PLCG2: variants seen among roughly 807,000 people sequenced by gnomAD.
The protein encoded by PLCG2 is 1-phosphatidylinositol 4,5-bisphosphate phosphodiesterase gamma-2.
In PLCG2, 69 loss-of-function variants were observed where a neutral mutation model predicts 175.6. The ratio of observed to expected loss-of-function variants is 0.39; its 90% confidence interval spans 0.32 to 0.48. The LOEUF (loss-of-function observed/expected upper bound fraction) is 0.48. Among genes scored for constraint, PLCG2 ranks in the 20% least tolerant of loss-of-function variants. PLCG2 has a pLI of 0.91. For synonymous variants in PLCG2, 827 were observed against 624.0 expected, an observed-to-expected ratio of 1.33 and a Z score of -4.85; for missense variants, 1,798 against 1,650.9, an observed-to-expected ratio of 1.09 and a Z score of -1.54.
chr16:81,780,560 G>A (rs1567459771), intron 1 of PLCG2, among the ~76,000 whole-genome samples: 1 of 152,174 alleles, frequency 6.6e-6, no homozygotes. Flanking sequence ...AGGGACAATC[G>A]TCATTGTGAG....
chr16:81,810,964 C>G (rs1247194562), intron 2 of PLCG2, among the ~76,000 whole-genome samples: 3 of 152,148 alleles, frequency 2.0e-5, no homozygotes, highest in Non-Finnish European at 1.5e-5. Context: ...GAGAAGCAGC[C>G]CAGGGAACAG....
At chr16:81,743,574 C>G (rs1909642316) in intron 1 of PLCG2, among the ~76,000 whole-genome samples, 1 of 152,194 alleles carries the variant, frequency 6.6e-6, no homozygotes, top group African/African-American at 2.4e-5. Flanking sequence ...GAATGGGCAC[C>G]TCATGCACCC....
chr16:81,768,484 C>G (rs112266520), intron 2 of PLCG2, among the ~76,000 whole-genome samples: 1 of 150,746 alleles, frequency 6.6e-6, no homozygotes, highest in African/African-American at 2.4e-5. Context: ...TGTTTTCCAA[C>G]GAGGCTGCAC....
In PLCG2 at chr16:81,907,739, GACATTGAAC is replaced by G. The variant is rs751863823; in HGVS notation, c.1524_1532del (p.Asp508_Gln511delinsGlu). ...CGATGCCAAGCTGTCCTTCAGTGAT[GACATTGAAC>G]AGACTATGGAGGAGGAAGTGCCCCA... On this transcript the variant is annotated inframe_deletion, in exon 16 of 33. Transcript: ENST00000564138. 1.2e-6 allele frequency: 2 copies of G among 1,613,972 alleles called. No individual in the cohort carries two copies. The highest frequency in any genetic ancestry group is 1.7e-6 in the Non-Finnish European group (2 of 1,179,886).
intron 2 of PLCG2, among the ~76,000 whole-genome samples, chr16:81,811,111 G>A (rs1362552435): frequency 1.3e-5 from 2 of 152,154 alleles, no homozygotes; most frequent in East Asian, 3.8e-4. Flanking sequence ...AGTGTGCTGG[G>A]GAAGGTCATA....
chr16:81,894,604 G>T lies in PLCG2; in HGVS notation c.1072+810G>T, dbSNP rs189137898. Reference sequence around the variant, plus strand: ...AAGGCAACAACCAGCTTGTCGTGGTGTCTCATGCCTGTAATCCCAGCACTG... The same window carrying T: ...AAGGCAACAACCAGCTTGTCGTGGTTTCTCATGCCTGTAATCCCAGCACTG... On this transcript the variant is annotated intron_variant, in intron 12 of 32. Coordinates refer to ENST00000564138, the MANE Select transcript of PLCG2 (RefSeq NM_002661.5). Among the ~76,000 whole-genome samples, 19 of 152,332 alleles carry T rather than the reference G, an allele frequency of 1.2e-4. No individual in the cohort carries two copies. In the East Asian group the frequency reaches 3.5e-3, roughly 28 times the overall value.
At chr16:81,955,225 C>T (rs572761894) in intron 31 of PLCG2, among the ~76,000 whole-genome samples, 2 of 152,266 alleles carry the variant, frequency 1.3e-5, no homozygotes, top group South Asian at 2.1e-4. Context: ...ACCCTGGGGA[C>T]TGTTTTGTTA....
At position 81,919,505 on chromosome 16, in the gene PLCG2, T is replaced by C. The variant is rs1909975248; in HGVS notation, c.2076T>C (p.His692=). The C allele has an allele frequency of 4.3e-6, 7 of 1,614,042 alleles. No individual in the cohort carries two copies. Among genetic ancestry groups the C allele is most frequent in the Middle Eastern group, 1.7e-4 (1 of 6,004 alleles). Reference sequence around the variant, plus strand: ...CCAGGGCTAGGGGCAAGGTAAAGCATTGTCGCATCAACCGGGACGGCCGGC... The same window carrying C: ...CCAGGGCTAGGGGCAAGGTAAAGCACTGTCGCATCAACCGGGACGGCCGGC... ...ITFRARGKVK[H]CRINRDGRHF... Residue 692 remains histidine (H), a synonymous_variant, in exon 20 of 33, where the codon CAT becomes CAC. Coordinates refer to ENST00000564138, the MANE Select transcript of PLCG2 (RefSeq NM_002661.5).
chr16:81,841,769 C>G (rs1480236500), intron 2 of PLCG2, among the ~76,000 whole-genome samples: 1 of 152,192 alleles, frequency 6.6e-6, no homozygotes, highest in Non-Finnish European at 1.5e-5. Context: ...ATTACATGTT[C>G]TTCTGCTGTG....
intron 2 of PLCG2, among the ~76,000 whole-genome samples, chr16:81,848,482 T>G (rs1014548118): frequency 5.1e-4 from 77 of 152,190 alleles, no homozygotes; most frequent in African/African-American, 1.8e-3. Flanking sequence ...GCTCTGTCTC[T>G]CTGCCTTTGT....
At chr16:81,945,398 A>G (rs897448752) in intron 30 of PLCG2, among the ~76,000 whole-genome samples, 1 of 152,272 alleles carries the variant, frequency 6.6e-6, no homozygotes, top group African/African-American at 2.4e-5. Flanking sequence ...TGTGATTAAA[A>G]GCAACTCAAA....
At chr16:81,816,574 G>T (rs548723877) in intron 2 of PLCG2, among the ~76,000 whole-genome samples, 8 of 148,710 alleles carry the variant, frequency 5.4e-5, no homozygotes, top group Non-Finnish European at 7.4e-5. Flanking sequence ...GACCTCCTGG[G>T]CTCAAATGAT....
intron 2 of PLCG2, among the ~76,000 whole-genome samples, chr16:81,837,341 G>A (rs1905573073): frequency 6.6e-6 from 1 of 152,240 alleles, no homozygotes; most frequent in Admixed American, 6.5e-5. Context: ...TTCTATAGCT[G>A]TGTGACCTTT....
chr16:81,792,598 G>A (rs189123487), intron 2 of PLCG2, among the ~76,000 whole-genome samples: 5 of 152,030 alleles, frequency 3.3e-5, no homozygotes, highest in Non-Finnish European at 5.9e-5. Flanking sequence ...CACACAATAT[G>A]GCTGGGGAGG....
intron 9 of PLCG2, among the ~76,000 whole-genome samples, chr16:81,887,371 G>T (rs896952476): frequency 6.6e-6 from 1 of 151,926 alleles, no homozygotes; most frequent in Non-Finnish European, 1.5e-5. Flanking sequence ...CGCCCACCTC[G>T]GCCTCCCAAA....
intron 31 of PLCG2, among the ~76,000 whole-genome samples, chr16:81,955,640 C>T (rs555107012): frequency 3.3e-5 from 5 of 152,354 alleles, no homozygotes; most frequent in African/African-American, 1.2e-4. Flanking sequence ...TTTTCTGGCA[C>T]ATTCCAAACT....
At chr16:81,936,421 G>A in intron 27 of PLCG2, 43 bp downstream of exon 27, 1 of 1,536,998 alleles carries the variant, frequency 6.5e-7, no homozygotes, top group East Asian at 2.2e-5. Flanking sequence ...CAAGGTGGCG[G>A]TTGCAGTCAC....
chr16:81,751,487 G>A (rs1234071824), intron 1 of PLCG2, among the ~76,000 whole-genome samples: 2 of 152,216 alleles, frequency 1.3e-5, no homozygotes, highest in Admixed American at 1.3e-4. Flanking sequence ...GAAATGGGGA[G>A]ATGGTGGTCA....
intron 2 of PLCG2, among the ~76,000 whole-genome samples, chr16:81,844,640 A>G (rs1317148729): frequency 6.6e-6 from 1 of 152,212 alleles, no homozygotes; most frequent in Non-Finnish European, 1.5e-5. Context: ...CACTGTTTTC[A>G]TTGGCACCTA....
Sources: gnomAD v4.1 joint callset for allele counts (sites outside exome capture counted in the v4.1 genomes callset) on GRCh38, gnomAD v4.1.1 for gene constraint, MANE v1.5 for transcripts, NCBI Gene and HGNC (gene_info 2026-07-23, HGNC 2026-07-21) for gene names.